PCDH15: variants seen among roughly 807,000 people sequenced by gnomAD.
The protein encoded by PCDH15 is protocadherin related 15, also known as protocadherin-15.
Under a neutral mutation model 178.5 loss-of-function variants are expected in PCDH15, and 129 were observed. That is an observed-to-expected ratio of 0.72 (90% CI 0.63 to 0.84). PCDH15 has a LOEUF of 0.84. PCDH15 is among the 40% of genes least tolerant of loss of function. PCDH15 has a pLI of 0.00. For synonymous variants in PCDH15, 800 were observed against 732.0 expected (o/e 1.09, Z -1.50); for missense variants, 2,230 against 2,099.9 (o/e 1.06, Z -1.21).
chr10:54,538,097 G>A lies in PCDH15; in HGVS notation c.92-10220C>T, dbSNP rs148923863. The stretch of plus-strand genomic sequence containing the variant: ...TACTCTGTTAATAGTCTTTTCTGTC[G>A]GGCAGAAGCTCTTTAGTTTATGTAG... On this transcript the variant is annotated intron_variant, in intron 2 of 37. Transcript: ENST00000644397. Among the ~76,000 whole-genome samples, 255 of 152,010 alleles carry A rather than the reference G, an allele frequency of 1.7e-3. 4 individuals carry two copies. Among genetic ancestry groups the A allele is most frequent in the Non-Finnish European group, 6.5e-4 (44 of 67,954 alleles).
At chr10:53,880,867 A>G (rs144136781) in intron 26 of PCDH15, among the ~76,000 whole-genome samples, 267 of 152,204 alleles carry the variant, frequency 1.8e-3, no homozygotes, top group African/African-American at 6.2e-3. Context: ...TCGAATTTAT[A>G]TAATTGTAAC....
intron 5 of PCDH15, among the ~76,000 whole-genome samples, chr10:54,365,314 A>C (rs1037669092): frequency 6.6e-6 from 1 of 152,140 alleles, no homozygotes; most frequent in African/African-American, 2.4e-5. Flanking sequence ...GCATAAAAAG[A>C]GCTTACCACA....
intron 2 of PCDH15, among the ~76,000 whole-genome samples, chr10:54,963,946 C>T (rs1436700238): frequency 6.6e-6 from 1 of 152,054 alleles, no homozygotes; most frequent in African/African-American, 2.4e-5. Context: ...ATCTCAAATC[C>T]ATCTCCTGAA....
intron 1 of PCDH15, among the ~76,000 whole-genome samples, chr10:55,205,839 C>CGGTT (rs1840384127): frequency 6.6e-6 from 1 of 152,030 alleles, no homozygotes; most frequent in Non-Finnish European, 1.5e-5. Context: ...ATTGAACTTA[C>CGGTT]GGTTCCACAT....
At chr10:54,611,518 T>C (rs1441946248) in intron 2 of PCDH15, among the ~76,000 whole-genome samples, 1 of 151,832 alleles carries the variant, frequency 6.6e-6, no homozygotes, top group Non-Finnish European at 1.5e-5. Flanking sequence ...AGCTGACTCT[T>C]TAAGCTGAGA....
chr10:54,339,812 T>C (rs1450789143), intron 6 of PCDH15, among the ~76,000 whole-genome samples: 1 of 152,222 alleles, frequency 6.6e-6, no homozygotes, highest in African/African-American at 2.4e-5. Context: ...AGGTGATGTC[T>C]GATCACCCTG....
intron 2 of PCDH15, among the ~76,000 whole-genome samples, chr10:55,367,623 A>T (rs551880878): frequency 3.3e-5 from 5 of 152,088 alleles, no homozygotes; most frequent in Non-Finnish European, 5.9e-5. Context: ...ACAAAAACAA[A>T]CAAAAAAAAG....
At chr10:54,403,464 A>G (rs984870761) in intron 3 of PCDH15, among the ~76,000 whole-genome samples, 2 of 152,044 alleles carry the variant, frequency 1.3e-5, no homozygotes, top group African/African-American at 4.8e-5. Flanking sequence ...AGAGCCATAT[A>G]TGAAAAACTC....
At chr10:54,186,896 T>C (rs2133832590) in intron 11 of PCDH15, among the ~76,000 whole-genome samples, 1 of 152,174 alleles carries the variant, frequency 6.6e-6, no homozygotes, top group South Asian at 2.1e-4. Flanking sequence ...AATGATATTT[T>C]AAGCATTCTT....
At chr10:54,143,181 T>C (rs2043564610) in intron 14 of PCDH15, among the ~76,000 whole-genome samples, 1 of 152,146 alleles carries the variant, frequency 6.6e-6, no homozygotes, top group South Asian at 2.1e-4. Context: ...GGTGCTAAGT[T>C]TCCTTTGGGT....
intron 26 of PCDH15, among the ~76,000 whole-genome samples, chr10:53,881,842 T>C (rs941344497): frequency 6.6e-6 from 1 of 152,030 alleles, no homozygotes; most frequent in Non-Finnish European, 1.5e-5. Flanking sequence ...TGAGATGAAA[T>C]ATTGTGGAAG....
At chr10:54,674,968 G>A (rs370060329) in intron 1 of PCDH15, among the ~76,000 whole-genome samples, 88 of 152,088 alleles carry the variant, frequency 5.8e-4, no homozygotes, top group South Asian at 3.3e-3. Context: ...TATGCTTCAC[G>A]AATAATACAC....
chr10:54,414,348 A>G (rs4935109), intron 3 of PCDH15, among the ~76,000 whole-genome samples: 120,502 of 151,910 alleles, frequency 0.79, 48,569 homozygotes, highest in East Asian at 0.97. Context: ...ACATTTTTGG[A>G]GGGTTTTGGA....
At chr10:54,978,327 A>G (rs1454484) in intron 2 of PCDH15, among the ~76,000 whole-genome samples, 61,307 of 151,862 alleles carry the variant, frequency 0.4, 13,896 homozygotes, top group East Asian at 0.68. Context: ...TCAAAACAAT[A>G]TGAGTAGACT....
chr10:55,119,525 AATTGCACCTGGAAAAGGCAGGGT>A (rs369725343), intron 2 of PCDH15, among the ~76,000 whole-genome samples: 11,366 of 151,756 alleles, frequency 0.075, 1,313 homozygotes, highest in African/African-American at 0.25. Flanking sequence ...AAACCTAATT[AATTGCACCTGGAAAAGGCAGGGT>A]ATTGCATATT....
intron 26 of PCDH15, among the ~76,000 whole-genome samples, chr10:53,888,745 G>C (rs1420956719): frequency 8.6e-6 from 1 of 116,206 alleles, no homozygotes; most frequent in Non-Finnish European, 1.7e-5. Flanking sequence ...ACCTTATTTG[G>C]TAATGAGCAC....
At chr10:54,786,155 A>G (rs1475170507) in intron 1 of PCDH15, among the ~76,000 whole-genome samples, 1 of 152,048 alleles carries the variant, frequency 6.6e-6, no homozygotes, top group Middle Eastern at 3.2e-3. Flanking sequence ...TGCTTTTAGA[A>G]TATATGACAC....
At chr10:55,044,826 A>G (rs1276413893) in intron 2 of PCDH15, among the ~76,000 whole-genome samples, 1 of 152,118 alleles carries the variant, frequency 6.6e-6, no homozygotes, top group Non-Finnish European at 1.5e-5. Context: ...TCAATGTGCT[A>G]GAAACATAGG....
intron 8 of PCDH15, among the ~76,000 whole-genome samples, chr10:54,276,276 TAAG>T (rs1432192387): frequency 6.6e-6 from 1 of 151,248 alleles, no homozygotes; most frequent in Non-Finnish European, 1.5e-5. Context: ...CCAGAATAAA[TAAG>T]AAAGCAATAC....
Sources: allele counts gnomAD v4.1 joint callset (sites outside exome capture counted in the v4.1 genomes callset), GRCh38; gene constraint gnomAD v4.1.1; transcripts MANE v1.5; gene names NCBI Gene and HGNC (gene_info 2026-07-23, HGNC 2026-07-21).